The following SPNS3 variants were observed in gnomAD, a reference collection of about 807,000 sequenced individuals.
SPNS3 encodes the protein SPNS lysolipid transporter 3, sphingosine-1-phosphate (putative).
A neutral mutation model predicts 54.4 loss-of-function variants in SPNS3; 51 were observed. The ratio of observed to expected loss-of-function variants is 0.94; its 90% CI spans 0.75 to 1.18. SPNS3 has a LOEUF of 1.18. Ranked by LOEUF, SPNS3 falls within the 50% of genes most tolerant of loss-of-function variation. The probability of loss-of-function intolerance (pLI) is 0.00; values close to 1 mark genes in which losing one functional copy is unlikely to be tolerated. For synonymous variants in SPNS3, 309 were observed against 294.7 expected (o/e 1.05, Z -0.50); for missense variants, 669 against 677.4 (o/e 0.99, Z 0.14).
rs764636515 is a variant in SPNS3 at position 4,478,679 on chromosome 17, T to A, written c.1179+42T>A. 3.9e-6 allele frequency: 6 copies of A among 1,555,484 alleles called. No individual in the cohort carries two copies. In the Admixed American group the frequency reaches 1.2e-4, roughly 30 times the overall value. ...GGGTGGTGGGCTGAGCAGGGGGAGC[T>A]GGAGAGGATTGGGCCTCTGCTGCTG... On this transcript the variant is annotated intron_variant, in intron 9 of 11. Transcript: ENST00000355530.
At chr17:4,458,644 T>TCTTTCTTC (rs1971410769) in intron 8 of SPNS3, among the ~76,000 whole-genome samples, 1 of 144,498 alleles carries the variant, frequency 6.9e-6, no homozygotes, top group African/African-American at 2.6e-5. Context: ...TTTCTTTCTT[T>TCTTTCTTC]CTTTCCTTCC....
At chr17:4,446,281 G>A in intron 4 of SPNS3, 82 bp downstream of exon 4, 3 of 1,474,258 alleles carry the variant, frequency 2.0e-6, no homozygotes, top group Middle Eastern at 1.8e-4. Context: ...ACCTGGGTAG[G>A]AGAGGTCAAA....
chr17:4,444,873 C>G, intron 2 of SPNS3, 159 bp from the exon 3 acceptor site: 1 of 882,472 alleles, frequency 1.1e-6, no homozygotes. Flanking sequence ...TGGCCACGCA[C>G]TGTGAGGTTC....
chr17:4,463,128 G>A (rs1971581385), intron 8 of SPNS3, among the ~76,000 whole-genome samples: 1 of 152,108 alleles, frequency 6.6e-6, no homozygotes, highest in Non-Finnish European at 1.5e-5. Context: ...GCCGGGTGCA[G>A]TGGCTTACGC....
chr17:4,472,389 G>C (rs765161241), intron 8 of SPNS3, among the ~76,000 whole-genome samples: 1 of 152,180 alleles, frequency 6.6e-6, no homozygotes, highest in African/African-American at 2.4e-5. Flanking sequence ...AGTTGAGCTT[G>C]GGCTCCGCAG....
intron 8 of SPNS3, 119 bp from the exon 9 acceptor site, chr17:4,478,453 G>A (rs333132): frequency 0.15 from 130,203 of 870,078 alleles, 10,498 homozygotes; most frequent in African/African-American, 0.26. Context: ...ACTCCAATAA[G>A]TCTCAATAAT....
chr17:4,458,761 CTG>C lies in SPNS3; in HGVS notation c.1113+5557_1113+5558del, dbSNP rs200127640. The stretch of plus-strand genomic sequence containing the variant: ...CTTGAACTCCTGGCCTCAAGTGATC[CTG>C]CCCATGCTGCCTCCCGAGTAGCTGG... On this transcript the variant is annotated intron_variant, in intron 8 of 11. Transcript: ENST00000355530. Among the ~76,000 whole-genome samples, 1,055 of 151,410 alleles carry C rather than the reference CTG, an allele frequency of 7.0e-3. 5 individuals are homozygous for C. Among genetic ancestry groups the C allele is most frequent in the African/African-American group, 0.023 (954 of 41,208 alleles).
rs1050530086 is a variant in SPNS3, at chr17:4,448,416, C to G, written c.770+113C>G. 3 of 1,055,428 alleles carry G rather than the reference C, an allele frequency of 2.8e-6. No homozygotes were observed. In the African/African-American group the frequency reaches 5.0e-5, roughly 17 times the overall value. The allele number at this position is 1,055,428 out of a possible 1,614,324, so 65.4% of individuals were successfully genotyped here. A position where few individuals can be genotyped will look rare whatever the true frequency, so the allele number is the denominator to read the frequency against. On this transcript the variant is annotated intron_variant, in intron 6 of 11. Coordinates refer to ENST00000355530, the MANE Select transcript of SPNS3 (RefSeq NM_182538.5). ...AGCCCTCCCTGGTTGTCCCAGTGTTCACAGCCCTCCTCTTCCTCTGAGATC... is the reference window on the plus strand; with the variant it reads ...AGCCCTCCCTGGTTGTCCCAGTGTTGACAGCCCTCCTCTTCCTCTGAGATC...
chr17:4,449,106 C>T (rs1971084407), intron 6 of SPNS3, 129 bp from the exon 7 acceptor site: 1 of 1,086,884 alleles, frequency 9.2e-7, no homozygotes. Flanking sequence ...GCAAATGCTA[C>T]CTATGGAATC....
chr17:4,453,620 G>C (rs902401651), intron 8 of SPNS3, among the ~76,000 whole-genome samples: 1 of 121,888 alleles, frequency 8.2e-6, no homozygotes, highest in Non-Finnish European at 1.8e-5. Context: ...TCCATCTTGG[G>C]GGAAAAAAAC....
intron 8 of SPNS3, among the ~76,000 whole-genome samples, chr17:4,470,681 T>C (rs1326671826): frequency 1.3e-5 from 2 of 152,206 alleles, no homozygotes; most frequent in Non-Finnish European, 1.5e-5. Context: ...TTGTCTGTTC[T>C]GGATAATTCA....
intron 1 of SPNS3, among the ~76,000 whole-genome samples, chr17:4,439,001 C>T (rs796634565): frequency 1.3e-5 from 2 of 151,656 alleles, no homozygotes; most frequent in Non-Finnish European, 2.9e-5. Context: ...TCTGGGAATG[C>T]CTGTTTGTAT....
Position 4,439,641 on chromosome 17 carries a change from T to G in SPNS3, c.200-17T>G, listed in dbSNP as rs1435657791. ...GGGCTACTTCCCGTTTCCTGAGCAC[T>G]GTCCCTCTGTCTGCAGGAGTGCTGC... On this transcript the variant is annotated splice_polypyrimidine_tract_variant and intron_variant, in intron 1 of 11. Coordinates refer to ENST00000355530, the MANE Select transcript of SPNS3 (RefSeq NM_182538.5). 2.4e-5 allele frequency: 39 copies of G among 1,611,004 alleles called. No homozygotes were observed. Among genetic ancestry groups the G allele is most frequent in the Non-Finnish European group, 3.2e-5 (38 of 1,178,716 alleles).
At chr17:4,450,762 A>ATTTT (rs11415054) in intron 7 of SPNS3, among the ~76,000 whole-genome samples, 1 of 127,198 alleles carries the variant, frequency 7.9e-6, no homozygotes, top group African/African-American at 3.0e-5. Context: ...ATGCCCAGCT[A>ATTTT]TTTTTTTTTT....
chr17:4,456,112 A>T (rs2326061), intron 8 of SPNS3, among the ~76,000 whole-genome samples: 2 of 151,766 alleles, frequency 1.3e-5, no homozygotes, highest in Non-Finnish European at 1.5e-5. Context: ...CCACCACACC[A>T]GGCTAATTTT....
intron 8 of SPNS3, among the ~76,000 whole-genome samples, chr17:4,476,109 C>G (rs935391345): frequency 6.6e-6 from 1 of 152,202 alleles, no homozygotes; most frequent in Non-Finnish European, 1.5e-5. Flanking sequence ...GGCTGTGGAG[C>G]CCCTCCTGGA....
intron 8 of SPNS3, among the ~76,000 whole-genome samples, chr17:4,467,296 A>G (rs1971703761): frequency 6.6e-6 from 1 of 151,908 alleles, no homozygotes; most frequent in Non-Finnish European, 1.5e-5. Flanking sequence ...TTGTATCCGG[A>G]ATCTACTGCT....
chr17:4,448,368 A>T, intron 6 of SPNS3, 65 bp downstream of exon 6: 1 of 1,389,998 alleles, frequency 7.2e-7, no homozygotes, highest in Non-Finnish European at 9.4e-7. Flanking sequence ...AGCATCATTG[A>T]CCCCCTCTCT....
At chr17:4,434,622 G>A (rs1046308217) in intron 1 of SPNS3, among the ~76,000 whole-genome samples, 4 of 151,520 alleles carry the variant, frequency 2.6e-5, no homozygotes, top group African/African-American at 7.3e-5. Flanking sequence ...TCAGCCTCCC[G>A]AGTAGCTGGG....
Sources: gnomAD v4.1 joint callset for allele counts (sites outside exome capture counted in the v4.1 genomes callset) on GRCh38, gnomAD v4.1.1 for gene constraint, MANE v1.5 for transcripts, NCBI Gene and HGNC (gene_info 2026-07-23, HGNC 2026-07-21) for gene names.